FHOD3: variants seen among roughly 807,000 people sequenced by gnomAD.
FHOD3 encodes the protein FH1/FH2 domain-containing protein 3.
A neutral mutation model predicts 173.0 loss-of-function variants in FHOD3; 90 were observed. That is an observed-to-expected ratio of 0.52 (90% confidence interval 0.44 to 0.62). The LOEUF is 0.62. Among genes scored for constraint, FHOD3 ranks in the 20% least tolerant of loss-of-function variants. The probability of loss-of-function intolerance (pLI) is 0.00; values close to 1 mark genes in which losing one functional copy is unlikely to be tolerated. For synonymous variants in FHOD3, 828 were observed against 823.0 expected (o/e 1.01, Z -0.10); for missense variants, 1,945 against 2,034.7 (o/e 0.96, Z 0.85).
chr18:36,575,033 C>T (rs569503514), intron 5 of FHOD3, among the ~76,000 whole-genome samples: 19 of 151,278 alleles, frequency 1.3e-4, no homozygotes, highest in African/African-American at 4.1e-4. Flanking sequence ...TGCAGTGGTG[C>T]GATCTTGGCT....
chr18:36,554,045 T>TA (rs2057771962), intron 5 of FHOD3, among the ~76,000 whole-genome samples: 1 of 152,188 alleles, frequency 6.6e-6, no homozygotes, highest in African/African-American at 2.4e-5. Context: ...GGTGGGACTG[T>TA]AAACTAGTTC....
intron 10 of FHOD3, among the ~76,000 whole-genome samples, chr18:36,639,695 C>T (rs370341250): frequency 3.1e-4 from 43 of 139,200 alleles, no homozygotes; most frequent in African/African-American, 9.4e-4. Flanking sequence ...TGGTGGTGGG[C>T]GCCTGTAGTC....
chr18:36,734,930 G>A lies in FHOD3; in HGVS notation c.3576+4126G>A, dbSNP rs78682218. The stretch of plus-strand genomic sequence containing the variant: ...AGTGGTATGTATCCAGGTTTGTCAT[G>A]AAAACCTGAAAGAGTAGTTAACTTC... On this transcript the variant is annotated intron_variant, in intron 20 of 28. Coordinates refer to ENST00000590592, the MANE Select transcript of FHOD3 (RefSeq NM_001281740.3). Among the ~76,000 whole-genome samples the A allele has an allele frequency of 7.0e-3, 1,067 of 152,268 alleles. 7 individuals carry two copies. The highest frequency in any genetic ancestry group is 0.012 in the Non-Finnish European group (804 of 68,032).
At chr18:36,602,506 A>G (rs2031525300) in intron 7 of FHOD3, among the ~76,000 whole-genome samples, 168 bp from the exon 8 acceptor site, 1 of 152,254 alleles carries the variant, frequency 6.6e-6, no homozygotes, top group Admixed American at 6.5e-5. Context: ...AATATCCTCA[A>G]TTAGAAGCAT....
chr18:36,379,392 A>G (rs1368907530), intron 3 of FHOD3, among the ~76,000 whole-genome samples: 1 of 152,192 alleles, frequency 6.6e-6, no homozygotes, highest in Non-Finnish European at 1.5e-5. Context: ...CTTTAATTAA[A>G]TTATTTATTG....
rs375127683 is a variant in FHOD3, at chr18:36,625,669, C to T, written c.1116C>T (p.Ser372=). The change falls in exon 10 of 29, where the codon AGC becomes AGT. Residue 372 remains serine, a synonymous_variant. Coordinates refer to ENST00000590592, the MANE Select transcript of FHOD3 (RefSeq NM_001281740.3). ...GGCACTCGGTGCAGAGCATCAAGAG[C>T]ACCCTGTCGGCCCCCACCAGTCCCT... ...SRRHSVQSIK[S]TLSAPTSPCS... 6.2e-6 allele frequency: 10 copies of T among 1,612,390 alleles called. No individual in the cohort carries two copies. Among genetic ancestry groups the T allele is most frequent in the Non-Finnish European group, 8.5e-6 (10 of 1,179,132 alleles).
intron 6 of FHOD3, among the ~76,000 whole-genome samples, chr18:36,579,914 C>T (rs550198301): frequency 2.7e-5 from 4 of 150,126 alleles, no homozygotes; most frequent in African/African-American, 9.8e-5. Flanking sequence ...AGAAGGACCA[C>T]GGAGGAGGAA....
Position 36,529,715 on chromosome 18 carries a change from G to A in FHOD3, c.511+17172G>A, listed in dbSNP as rs147911019. On this transcript the variant is annotated intron_variant, in intron 5 of 28. Transcript: ENST00000590592. ...CTCGGGAGGCTGAGGCAAGAGAATCGCTTGAACCCAGGAGGCAGAGGTTGC... is the reference window on the plus strand; with the variant it reads ...CTCGGGAGGCTGAGGCAAGAGAATCACTTGAACCCAGGAGGCAGAGGTTGC... Among the ~76,000 whole-genome samples the A allele has an allele frequency of 6.4e-3, 972 of 152,184 alleles. 10 individuals are homozygous for A. Among genetic ancestry groups the A allele is most frequent in the African/African-American group, 0.022 (919 of 41,518 alleles).
At chr18:36,403,225 T>C (rs2048909437) in intron 3 of FHOD3, among the ~76,000 whole-genome samples, 1 of 152,260 alleles carries the variant, frequency 6.6e-6, no homozygotes, top group African/African-American at 2.4e-5. Flanking sequence ...GGGTGTGTTC[T>C]GTCCTCTGCA....
At chr18:36,497,523 A>G (rs1169690664) in intron 3 of FHOD3, among the ~76,000 whole-genome samples, 2 of 152,244 alleles carry the variant, frequency 1.3e-5, no homozygotes, top group African/African-American at 4.8e-5. Context: ...AAAGGATAGA[A>G]AAAGATACAC....
At chr18:36,772,581 CA>C (rs2043434344) in intron 28 of FHOD3, among the ~76,000 whole-genome samples, 1 of 152,240 alleles carries the variant, frequency 6.6e-6, no homozygotes, top group Admixed American at 6.5e-5. Context: ...ACTCGAGGAT[CA>C]GAGATAATTA....
chr18:36,510,073 G>A (rs981669821), intron 4 of FHOD3, among the ~76,000 whole-genome samples: 2 of 152,156 alleles, frequency 1.3e-5, no homozygotes, highest in Admixed American at 6.5e-5. Context: ...CATCTCTCAT[G>A]TTTTCTAGGT....
chr18:36,715,732 G>A (rs1013759537), intron 18 of FHOD3, among the ~76,000 whole-genome samples: 1 of 152,224 alleles, frequency 6.6e-6, no homozygotes, highest in Non-Finnish European at 1.5e-5. Context: ...AGTCATAAGA[G>A]CTGTGATGAA....
At chr18:36,365,598 T>C (rs1159016306) in intron 2 of FHOD3, among the ~76,000 whole-genome samples, 1 of 152,196 alleles carries the variant, frequency 6.6e-6, no homozygotes, top group Non-Finnish European at 1.5e-5. Flanking sequence ...AGTTAGATTG[T>C]AATGACTGTA....
At chr18:36,480,066 A>C (rs2053798085) in intron 3 of FHOD3, among the ~76,000 whole-genome samples, 1 of 152,258 alleles carries the variant, frequency 6.6e-6, no homozygotes, top group Admixed American at 6.5e-5. Context: ...TTAATTCTGC[A>C]AACTGGGTTT....
At position 36,769,263 on chromosome 18, in the gene FHOD3, A is replaced by C; in HGVS notation, c.4625-2A>C. On this transcript the variant is annotated splice_acceptor_variant, in intron 27 of 28. Coordinates refer to ENST00000590592, the MANE Select transcript of FHOD3 (RefSeq NM_001281740.3). LOFTEE classifies it high-confidence loss of function. ...TGTGCACTCTGGCTGTTTAATTTTT[A>C]GGATCCACTAGTTCCTGGACTATGG... 6.2e-7 allele frequency: 1 copy of C among 1,613,588 alleles called. No homozygotes were observed. The highest frequency in any genetic ancestry group is 1.1e-5 in the South Asian group (1 of 91,020).
intron 3 of FHOD3, among the ~76,000 whole-genome samples, chr18:36,432,754 A>G (rs960800762): frequency 2.0e-5 from 3 of 152,232 alleles, no homozygotes; most frequent in African/African-American, 7.2e-5. Flanking sequence ...TGCTTAACTC[A>G]TATATAACAA....
intron 3 of FHOD3, among the ~76,000 whole-genome samples, chr18:36,476,582 C>T (rs890076071): frequency 4.6e-5 from 7 of 152,170 alleles, no homozygotes; most frequent in Non-Finnish European, 8.8e-5. Context: ...ACTCAGTGCT[C>T]ATTATGTTGA....
rs562647406 is a variant in FHOD3 at position 36,456,142 on chromosome 18, A to C, written c.338-45790A>C. Among the ~76,000 whole-genome samples the C allele has an allele frequency of 6.4e-4, 98 of 152,240 alleles. 1 individual carries two copies. Among genetic ancestry groups the C allele is most frequent in the African/African-American group, 2.2e-3 (93 of 41,508 alleles). On this transcript the variant is annotated intron_variant, in intron 3 of 28. Transcript: ENST00000590592. ...GAACTTCTTTTGTCCTGCGCACTGA[A>C]CAGTGACAGGTAAGCCAGGCTCTCT...
Sources: allele counts gnomAD v4.1 joint callset (sites outside exome capture counted in the v4.1 genomes callset), GRCh38; gene constraint gnomAD v4.1.1; transcripts MANE v1.5; gene names NCBI Gene and HGNC (gene_info 2026-07-23, HGNC 2026-07-21).